TENM2: variants seen among roughly 807,000 people sequenced by gnomAD.
TENM2 encodes the protein teneurin transmembrane protein 2.
A neutral mutation model predicts 245.2 loss-of-function variants in TENM2; 52 were observed. The ratio of observed to expected loss-of-function variants is 0.21; its 90% confidence interval spans 0.17 to 0.27. The LOEUF (loss-of-function observed/expected upper bound fraction) is 0.27. Among genes scored for constraint, TENM2 ranks in the 10% least tolerant of loss-of-function variants. The pLI is 1.00. For missense variants in TENM2, 3,046 were observed against 3,666.8 expected, an observed-to-expected ratio of 0.83 and a Z score of 4.37; for synonymous variants, 1,363 against 1,438.9, an observed-to-expected ratio of 0.95 and a Z score of 1.19.
rs548988907 is a variant in TENM2 at position 167,889,543 on chromosome 5, AC to A, written c.712+13354del. 5.9e-5 allele frequency among the ~76,000 whole-genome samples: 9 copies of A among 151,346 alleles called. No individual in the cohort carries two copies. The South Asian group carries it at 1.5e-3, about 25-fold the overall frequency. Reference sequence around the variant, plus strand: ...TCCCTGGGGAGCCTGACCATTACCCACCCCCCTTTCACTCTGTCTGCTTAGA... The same window carrying A: ...TCCCTGGGGAGCCTGACCATTACCCACCCCCTTTCACTCTGTCTGCTTAGA... On this transcript the variant is annotated intron_variant, in intron 3 of 28. Transcript: ENST00000518659.
intron 2 of TENM2, among the ~76,000 whole-genome samples, chr5:167,432,798 T>A (rs1764327453): frequency 6.6e-6 from 1 of 152,136 alleles, no homozygotes; most frequent in Admixed American, 6.6e-5. Context: ...AGGGAAAAAG[T>A]CAAACTTTGT....
chr5:168,096,317 T>C (rs1163969227), intron 8 of TENM2, among the ~76,000 whole-genome samples: 1 of 152,062 alleles, frequency 6.6e-6, no homozygotes, highest in Admixed American at 6.6e-5. Flanking sequence ...TTTGAATGAG[T>C]GATGAATTCA....
chr5:167,716,018 G>A (rs937927815), intron 2 of TENM2, among the ~76,000 whole-genome samples: 2 of 152,228 alleles, frequency 1.3e-5, no homozygotes, highest in African/African-American at 4.8e-5. Flanking sequence ...GGAGTTTGGA[G>A]TGAAGGTATA....
chr5:167,742,995 C>G (rs1200887017), intron 2 of TENM2, among the ~76,000 whole-genome samples: 1 of 148,672 alleles, frequency 6.7e-6, no homozygotes, highest in Non-Finnish European at 1.5e-5. Context: ...ACAACAACAA[C>G]AACAACAACA....
At chr5:167,014,140 C>CTTT in the TENM2 span, among the ~76,000 whole-genome samples, 1,251 of 128,644 alleles carry the variant, frequency 9.7e-3, 53 homozygotes, top group African/African-American at 0.033. Flanking sequence ...AAAACCAATT[C>CTTT]TTTTTTTTTT....
At chr5:167,338,806 C>G (rs919987541) in intron 1 of TENM2, among the ~76,000 whole-genome samples, 1 of 152,198 alleles carries the variant, frequency 6.6e-6, no homozygotes, top group Non-Finnish European at 1.5e-5. Flanking sequence ...TGCTCAGGTT[C>G]TGGTGAGGAC....
intron 2 of TENM2, among the ~76,000 whole-genome samples, chr5:167,707,116 A>G (rs889458501): frequency 6.6e-6 from 1 of 150,492 alleles, no homozygotes; most frequent in Non-Finnish European, 1.5e-5. Context: ...AACACATGGT[A>G]GGTGATATCT....
intron 1 of TENM2, among the ~76,000 whole-genome samples, chr5:167,374,832 A>G (rs1463214859): frequency 6.6e-6 from 1 of 152,178 alleles, no homozygotes; most frequent in Non-Finnish European, 1.5e-5. Flanking sequence ...ACATTAAAAA[A>G]TATAAAAGTT....
Position 167,542,228 on chromosome 5 carries a change from A to G in TENM2, c.502+166755A>G, listed in dbSNP as rs538302317. Among the ~76,000 whole-genome samples, 3 of 152,304 alleles carry G rather than the reference A, an allele frequency of 2.0e-5. No individual in the cohort carries two copies. The East Asian group carries it at 5.8e-4, about 29-fold the overall frequency. On this transcript the variant is annotated intron_variant, in intron 2 of 28. Transcript: ENST00000518659. Reference sequence around the variant, plus strand: ...AGAAGGAAGAAAGAAAGTGATTATAACAAAAAATGCCATAAGTCAGTCACT... The same window carrying G: ...AGAAGGAAGAAAGAAAGTGATTATAGCAAAAAATGCCATAAGTCAGTCACT...
At chr5:167,383,736 A>G (rs1455394072) in intron 2 of TENM2, among the ~76,000 whole-genome samples, 1 of 151,946 alleles carries the variant, frequency 6.6e-6, no homozygotes, top group East Asian at 1.9e-4. Context: ...GATAAAAAAA[A>G]AAAAAAAAAA....
intron 2 of TENM2, among the ~76,000 whole-genome samples, chr5:167,801,146 A>ATATATG (rs1765737114): frequency 1.0e-5 from 1 of 100,168 alleles, no homozygotes; most frequent in Non-Finnish European, 2.0e-5. Flanking sequence ...ATATATATAT[A>ATATATG]TATATATGTA....
intron 7 of TENM2, among the ~76,000 whole-genome samples, chr5:168,088,845 T>C (rs1031764115): frequency 1.3e-5 from 2 of 152,196 alleles, no homozygotes; most frequent in African/African-American, 4.8e-5. Context: ...AACTAGCGAT[T>C]CTGACGACGG....
chr5:167,952,840 G>A lies in TENM2; in HGVS notation c.947+18G>A. On this transcript the variant is annotated intron_variant, in intron 4 of 28. Transcript: ENST00000518659. Reference sequence around the variant, plus strand: ...GAGACCCGGTAAGTCCCCATCGCCAGCTCACAGTCACACTCAGTGTCACCT... The same window carrying A: ...GAGACCCGGTAAGTCCCCATCGCCAACTCACAGTCACACTCAGTGTCACCT... 6.5e-7 allele frequency: 1 copy of A among 1,546,556 alleles called. No individual in the cohort carries two copies. Among genetic ancestry groups the A allele is most frequent in the Non-Finnish European group, 8.8e-7 (1 of 1,142,330 alleles).
rs115528906 is a variant in TENM2 at position 168,254,041 on chromosome 5, T to C, written c.7432+5670T>C. Among the ~76,000 whole-genome samples, 1,412 of 152,374 alleles carry C rather than the reference T, an allele frequency of 9.3e-3. 24 individuals are homozygous for C. The highest frequency in any genetic ancestry group is 0.032 in the African/African-American group (1,348 of 41,596). Reference sequence around the variant, plus strand: ...CAGATTTTGTAAAGTTTAATTTACCTAAGTGAGGAGGAAGACACAACCTCC... The same window carrying C: ...CAGATTTTGTAAAGTTTAATTTACCCAAGTGAGGAGGAAGACACAACCTCC... On this transcript the variant is annotated intron_variant, in intron 27 of 28. Coordinates refer to ENST00000518659, the Ensembl canonical transcript of TENM2.
At chr5:168,195,191 C>T (rs1271354871) in exon 15 of TENM2, 3 of 1,603,074 alleles carry the variant, frequency 1.9e-6, no homozygotes, top group Admixed American at 3.4e-5. Context: ...TTTCTCTCAT[C>T]CGAGGCCAAG....
At chr5:167,770,743 G>T (rs1421268539) in intron 2 of TENM2, among the ~76,000 whole-genome samples, 3 of 152,100 alleles carry the variant, frequency 2.0e-5, no homozygotes, top group African/African-American at 4.8e-5. Flanking sequence ...TCATTAAAAA[G>T]AAATCTAACT....
chr5:167,571,582 T>A (rs1774266072), intron 2 of TENM2, among the ~76,000 whole-genome samples: 1 of 152,078 alleles, frequency 6.6e-6, no homozygotes, highest in Non-Finnish European at 1.5e-5. Flanking sequence ...GGAACCCACC[T>A]CCTCACTAAG....
chr5:167,694,459 G>A (rs1235136852), intron 2 of TENM2, among the ~76,000 whole-genome samples: 4 of 152,158 alleles, frequency 2.6e-5, no homozygotes, highest in Non-Finnish European at 4.4e-5. Context: ...AGGTGACTCA[G>A]CTGTATTTTC....
At chr5:167,157,559 A>C in the TENM2 span, among the ~76,000 whole-genome samples, 35,257 of 152,084 alleles carry the variant, frequency 0.23, 5,147 homozygotes, top group African/African-American at 0.4. Context: ...TAGACGTGTA[A>C]GTTCCCTCCA....
Sources: allele counts gnomAD v4.1 joint callset (sites outside exome capture counted in the v4.1 genomes callset), GRCh38; gene constraint gnomAD v4.1.1; transcripts MANE v1.5; gene names NCBI Gene and HGNC (gene_info 2026-07-23, HGNC 2026-07-21).